KHDRBS2: variants seen among roughly 807,000 people sequenced by gnomAD.
The protein encoded by KHDRBS2 is KH domain-containing, RNA-binding, signal transduction-associated protein 2.
In KHDRBS2, 26 loss-of-function variants were observed where a neutral mutation model predicts 44.3. The observed-to-expected ratio is 0.59, with a 90% CI of 0.43 to 0.81. KHDRBS2 has a LOEUF of 0.81. KHDRBS2 is among the 40% of genes least tolerant of loss of function. KHDRBS2 has a pLI of 0.00. For synonymous variants in KHDRBS2, 194 were observed against 151.1 expected (o/e 1.28, Z -2.08); for missense variants, 476 against 433.1 (o/e 1.10, Z -0.88).
chr6:61,947,397 T>C (rs1813590348), intron 4 of KHDRBS2, among the ~76,000 whole-genome samples: 2 of 152,194 alleles, frequency 1.3e-5, no homozygotes, highest in South Asian at 2.1e-4. Flanking sequence ...ATAGATCCAG[T>C]TCCTGACACA....
chr6:61,645,463 TAA>T, the KHDRBS2 span, among the ~76,000 whole-genome samples: 1 of 137,042 alleles, frequency 7.3e-6, no homozygotes. Flanking sequence ...CACTTGAACC[TAA>T]AAAAAAAAAT....
In KHDRBS2 at chr6:61,912,795, A is replaced by G. The variant is rs561815976; in HGVS notation, c.484-11424T>C. On this transcript the variant is annotated intron_variant, in intron 4 of 8. Transcript: ENST00000281156. ...GTGGTCAGACTCAATCCTATTCTGTATGTTACAGAAAGGATTTACGGCAAA... is the reference window on the plus strand; with the variant it reads ...GTGGTCAGACTCAATCCTATTCTGTGTGTTACAGAAAGGATTTACGGCAAA... 6.7e-4 allele frequency among the ~76,000 whole-genome samples: 102 copies of G among 152,294 alleles called. 1 individual carries two copies. The South Asian group carries it at 0.02, about 30-fold the overall frequency.
At chr6:61,949,318 C>A (rs1325857198) in intron 4 of KHDRBS2, among the ~76,000 whole-genome samples, 2 of 152,096 alleles carry the variant, frequency 1.3e-5, no homozygotes, top group Non-Finnish European at 2.9e-5. Flanking sequence ...TAGCCTCCTG[C>A]ATTCTAAAGT....
At chr6:62,133,334 T>C (rs1055912128) in intron 2 of KHDRBS2, among the ~76,000 whole-genome samples, 1 of 152,196 alleles carries the variant, frequency 6.6e-6, no homozygotes, top group African/African-American at 2.4e-5. Flanking sequence ...TCTCATGAGA[T>C]CTGATAGTTT....
At chr6:61,673,168 G>A in the KHDRBS2 span, among the ~76,000 whole-genome samples, 9 of 151,890 alleles carry the variant, frequency 5.9e-5, no homozygotes, top group African/African-American at 1.4e-4. Flanking sequence ...GATATGTGGT[G>A]TTATTTCTGA....
At chr6:61,670,776 C>T in the KHDRBS2 span, among the ~76,000 whole-genome samples, 1 of 136,814 alleles carries the variant, frequency 7.3e-6, no homozygotes, top group Non-Finnish European at 1.7e-5. Context: ...ATTTTATGAA[C>T]AGAGATTACA....
intron 6 of KHDRBS2, among the ~76,000 whole-genome samples, chr6:61,734,619 ATAT>A (rs1775033377): frequency 2.6e-5 from 4 of 152,166 alleles, no homozygotes; most frequent in Admixed American, 6.5e-5. Flanking sequence ...GTCAATATTA[ATAT>A]TATTGAGTGA....
At chr6:61,627,243 A>C in the KHDRBS2 span, among the ~76,000 whole-genome samples, 1 of 99,080 alleles carries the variant, frequency 1.0e-5, no homozygotes, top group Non-Finnish European at 1.9e-5. Flanking sequence ...ACAGAGCGAG[A>C]CTCCGTCTCA....
At chr6:62,106,370 A>T (rs1803311418) in intron 2 of KHDRBS2, among the ~76,000 whole-genome samples, 1 of 152,008 alleles carries the variant, frequency 6.6e-6, no homozygotes, top group Non-Finnish European at 1.5e-5. Context: ...TCTAATGTGG[A>T]TAGTGGGGTG....
At chr6:61,957,484 G>A (rs931855507) in intron 4 of KHDRBS2, among the ~76,000 whole-genome samples, 5 of 149,934 alleles carry the variant, frequency 3.3e-5, no homozygotes, top group Admixed American at 1.3e-4. Flanking sequence ...GTCCCTGAGG[G>A]GAGGTCTCTA....
At chr6:61,911,905 C>T (rs1806119520) in intron 4 of KHDRBS2, among the ~76,000 whole-genome samples, 3 of 151,860 alleles carry the variant, frequency 2.0e-5, no homozygotes, top group African/African-American at 4.8e-5. Flanking sequence ...AAACACCCTG[C>T]ATACTATTCA....
At chr6:61,582,525 G>A in the KHDRBS2 span, among the ~76,000 whole-genome samples, 1 of 151,622 alleles carries the variant, frequency 6.6e-6, no homozygotes, top group African/African-American at 2.4e-5. Context: ...GGTTTTAATA[G>A]ATAAATTTCT....
chr6:61,997,771 C>T (rs1443285145), intron 3 of KHDRBS2, among the ~76,000 whole-genome samples: 1 of 152,172 alleles, frequency 6.6e-6, no homozygotes, highest in Non-Finnish European at 1.5e-5. Flanking sequence ...TACTAACTCC[C>T]AGCCCAGCTT....
intron 1 of KHDRBS2, among the ~76,000 whole-genome samples, chr6:62,256,921 T>C (rs781720971): frequency 3.3e-5 from 5 of 152,080 alleles, no homozygotes; most frequent in Non-Finnish European, 5.9e-5. Context: ...ATTAGTTGGT[T>C]GTGCAGATGC....
chr6:61,893,586 C>T (rs1330448023), intron 6 of KHDRBS2, among the ~76,000 whole-genome samples: 2 of 152,094 alleles, frequency 1.3e-5, no homozygotes, highest in Non-Finnish European at 2.9e-5. Context: ...ATGATGAGTT[C>T]ATGTCCTTTG....
At chr6:62,089,268 CAAAAA>C (rs34948262) in intron 2 of KHDRBS2, among the ~76,000 whole-genome samples, 3 of 111,932 alleles carry the variant, frequency 2.7e-5, no homozygotes, top group East Asian at 2.7e-4. Flanking sequence ...CACTGGGTTA[CAAAAA>C]AAAAAAAAAA....
intron 4 of KHDRBS2, among the ~76,000 whole-genome samples, chr6:61,967,069 T>C (rs1364854595): frequency 2.0e-5 from 3 of 151,878 alleles, no homozygotes; most frequent in Non-Finnish European, 4.4e-5. Flanking sequence ...AATAGAATTA[T>C]GGTAGTTTCC....
chr6:61,957,306 A>G (rs1394288497), intron 4 of KHDRBS2, among the ~76,000 whole-genome samples: 1 of 152,222 alleles, frequency 6.6e-6, no homozygotes, highest in Non-Finnish European at 1.5e-5. Flanking sequence ...CCTTGATAAA[A>G]GAACAGGATA....
chr6:61,700,728 A>C (rs1487480653), intron 7 of KHDRBS2, among the ~76,000 whole-genome samples: 1 of 132,110 alleles, frequency 7.6e-6, no homozygotes, highest in East Asian at 2.5e-4. Flanking sequence ...GGGCTTGTGC[A>C]CATTTACCTT....
Sources: gnomAD v4.1 joint callset for allele counts (sites outside exome capture counted in the v4.1 genomes callset) on GRCh38, gnomAD v4.1.1 for gene constraint, MANE v1.5 for transcripts, NCBI Gene and HGNC (gene_info 2026-07-23, HGNC 2026-07-21) for gene names.